The following JAZF1 variants were observed in gnomAD, a reference collection of about 807,000 sequenced individuals.
JAZF1 encodes JAZF zinc finger 1.
A neutral mutation model predicts 26.4 loss-of-function variants in JAZF1; 8 were observed. The ratio of observed to expected loss-of-function variants is 0.30; its 90% confidence interval spans 0.18 to 0.55. The LOEUF is 0.55. Ranked by LOEUF, JAZF1 falls within the 20% of genes least tolerant of loss-of-function variation. The pLI is 0.94. For missense variants in JAZF1, 199 were observed against 322.0 expected (o/e 0.62, Z 2.92); for synonymous variants, 126 against 122.3 (o/e 1.03, Z -0.20).
chr7:28,155,472 G>A (rs75533230), intron 1 of JAZF1, among the ~76,000 whole-genome samples: 3,038 of 152,240 alleles, frequency 0.02, 117 homozygotes, highest in African/African-American at 0.069. Context: ...AGAGTTATAC[G>A]GTCTTCATTC....
At chr7:27,976,263 G>A (rs1324787511) in intron 2 of JAZF1, among the ~76,000 whole-genome samples, 2 of 150,382 alleles carry the variant, frequency 1.3e-5, no homozygotes, top group South Asian at 2.1e-4. Flanking sequence ...GGAGAATGGC[G>A]CGAACCCGGG....
chr7:28,076,025 G>A (rs1304440000), intron 1 of JAZF1, among the ~76,000 whole-genome samples: 2 of 152,210 alleles, frequency 1.3e-5, no homozygotes, highest in Admixed American at 1.3e-4. Context: ...AGACAAAGCT[G>A]ACAAGCTTAA....
chr7:28,149,653 T>G (rs527769423), intron 1 of JAZF1, among the ~76,000 whole-genome samples: 136 of 152,250 alleles, frequency 8.9e-4, no homozygotes, highest in African/African-American at 3.1e-3. Context: ...TCAACTAGAT[T>G]CCCACACAAG....
intron 3 of JAZF1, among the ~76,000 whole-genome samples, chr7:27,876,845 G>A (rs1783688493): frequency 2.0e-5 from 3 of 152,184 alleles, no homozygotes; most frequent in Admixed American, 2.0e-4. Context: ...AGAGAGGTCT[G>A]TGCACTGGTG....
intron 2 of JAZF1, among the ~76,000 whole-genome samples, chr7:27,895,742 T>C (rs1228093016): frequency 6.6e-6 from 1 of 152,164 alleles, no homozygotes; most frequent in Admixed American, 6.5e-5. Context: ...CTGCTCTCTT[T>C]TTCTACCCAT....
intron 3 of JAZF1, among the ~76,000 whole-genome samples, chr7:27,873,979 G>A (rs542073982): frequency 1.9e-3 from 282 of 152,342 alleles, no homozygotes; most frequent in Middle Eastern, 6.8e-3. Context: ...TTTGCCAGGC[G>A]TGGGTTCTAA....
chr7:28,032,865 C>G (rs950193159), intron 1 of JAZF1, among the ~76,000 whole-genome samples: 1 of 152,150 alleles, frequency 6.6e-6, no homozygotes. Flanking sequence ...TGTGCCGCAT[C>G]CACATGCTCT....
At chr7:28,051,521 A>C in intron 1 of JAZF1, among the ~76,000 whole-genome samples, 1 of 152,054 alleles carries the variant, frequency 6.6e-6, no homozygotes, top group East Asian at 1.9e-4. Flanking sequence ...TGTGAGTATA[A>C]TATTCTTACA....
intron 3 of JAZF1, among the ~76,000 whole-genome samples, chr7:27,856,448 G>A (rs1304846424): frequency 6.6e-6 from 1 of 152,170 alleles, no homozygotes; most frequent in Non-Finnish European, 1.5e-5. Context: ...TGTGGAAAGG[G>A]ACCTGAGCGG....
At position 27,879,219 on chromosome 7, in the gene JAZF1, G is replaced by T. The variant is rs974732995; in HGVS notation, c.385+16001C>A. Among the ~76,000 whole-genome samples the T allele has an allele frequency of 2.2e-4, 33 of 152,180 alleles. 1 individual carries two copies. Among genetic ancestry groups the T allele is most frequent in the African/African-American group, 7.7e-4 (32 of 41,440 alleles). ...TCTTTGAGAATGTGATTTGTCCTAT[G>T]TGTATGTTCCATTTCTTCATATCAA... On this transcript the variant is annotated intron_variant, in intron 3 of 4. Coordinates refer to ENST00000283928, the MANE Select transcript of JAZF1 (RefSeq NM_175061.4).
At chr7:27,941,585 C>T (rs1386512914) in intron 2 of JAZF1, among the ~76,000 whole-genome samples, 1 of 152,228 alleles carries the variant, frequency 6.6e-6, no homozygotes, top group Non-Finnish European at 1.5e-5. Context: ...TCAATAGCAA[C>T]AAATGCACAG....
intron 1 of JAZF1, among the ~76,000 whole-genome samples, chr7:28,116,409 G>T (rs926052428): frequency 2.0e-5 from 3 of 152,150 alleles, no homozygotes; most frequent in Non-Finnish European, 2.9e-5. Flanking sequence ...TAAGGCTGAA[G>T]ATCTTTTGGT....
intron 1 of JAZF1, among the ~76,000 whole-genome samples, chr7:28,126,410 T>C (rs1782693511): frequency 6.7e-6 from 1 of 150,260 alleles, no homozygotes; most frequent in Non-Finnish European, 1.5e-5. Flanking sequence ...AAAAGTAGCT[T>C]AATGAGGAGA....
In JAZF1 at chr7:27,840,455, G is replaced by C. The variant is rs1023793286; in HGVS notation, c.555+243C>G. Among the ~76,000 whole-genome samples the C allele has an allele frequency of 2.0e-5, 3 of 152,242 alleles. No individual in the cohort carries two copies. Among genetic ancestry groups the C allele is most frequent in the Admixed American group, 6.5e-5 (1 of 15,284 alleles). Reference sequence around the variant, plus strand: ...GATCCTCCTACAAAAGCTCTCTCTTGACTGCCAGGCTCCCACGTAGGTGAG... The same window carrying C: ...GATCCTCCTACAAAAGCTCTCTCTTCACTGCCAGGCTCCCACGTAGGTGAG... On this transcript the variant is annotated intron_variant, in intron 4 of 4. Coordinates refer to ENST00000283928, the MANE Select transcript of JAZF1 (RefSeq NM_175061.4). The surrounding 1 kb of genome is among the most constrained non-coding windows in gnomAD (Gnocchi z 5.1).
chr7:27,863,086 G>A (rs1445211334), intron 3 of JAZF1, among the ~76,000 whole-genome samples: 2 of 152,210 alleles, frequency 1.3e-5, no homozygotes, highest in Non-Finnish European at 2.9e-5. Context: ...TTAGGATCAT[G>A]AATTCACTAC....
At chr7:27,926,389 G>A (rs1200343861) in intron 2 of JAZF1, among the ~76,000 whole-genome samples, 2 of 152,184 alleles carry the variant, frequency 1.3e-5, no homozygotes, top group African/African-American at 2.4e-5. Context: ...GAGCCATTCA[G>A]GTCCTGGCTC....
chr7:28,017,210 G>A (rs996847435), intron 1 of JAZF1, among the ~76,000 whole-genome samples: 55 of 152,142 alleles, frequency 3.6e-4, no homozygotes, highest in African/African-American at 1.3e-3. Flanking sequence ...AATTAGCCAG[G>A]CATGGTGGTG....
chr7:27,902,726 T>G (rs1284228961), intron 2 of JAZF1, among the ~76,000 whole-genome samples: 1 of 152,072 alleles, frequency 6.6e-6, no homozygotes, highest in Non-Finnish European at 1.5e-5. Context: ...ATAAAAGAAG[T>G]GATTAACATG....
intron 3 of JAZF1, among the ~76,000 whole-genome samples, chr7:27,883,642 C>T (rs918775057): frequency 6.6e-6 from 1 of 152,118 alleles, no homozygotes; most frequent in Non-Finnish European, 1.5e-5. Flanking sequence ...CTTTAATTTT[C>T]TTTCTGGTAA....
Sources: allele counts gnomAD v4.1 joint callset (sites outside exome capture counted in the v4.1 genomes callset), GRCh38; gene constraint gnomAD v4.1.1; non-coding constraint Gnocchi (gnomAD v3.1); transcripts MANE v1.5; gene names NCBI Gene and HGNC (gene_info 2026-07-23, HGNC 2026-07-21).